The following AARSD1 variants were observed in gnomAD, a reference collection of about 807,000 sequenced individuals.
AARSD1 encodes the protein alanyl-tRNA editing protein Aarsd1.
Under a neutral mutation model 48.7 loss-of-function variants are expected in AARSD1, and 44 were observed. The ratio of observed to expected loss-of-function variants is 0.90; its 90% CI spans 0.71 to 1.16. The LOEUF is 1.16. Among genes scored for constraint, AARSD1 ranks in the 50% most tolerant of loss-of-function variants. The probability of loss-of-function intolerance (pLI) is 0.00; values close to 1 mark genes in which losing one functional copy is unlikely to be tolerated. For synonymous variants in AARSD1, 189 were observed against 194.9 expected (o/e 0.97, Z 0.25); for missense variants, 511 against 523.1 (o/e 0.98, Z 0.23).
intron 3 of AARSD1, among the ~76,000 whole-genome samples, chr17:42,959,249 T>C (rs1475757949): frequency 2.0e-5 from 3 of 151,248 alleles, no homozygotes; most frequent in Non-Finnish European, 4.4e-5. Flanking sequence ...GACGGAGTCT[T>C]GCTCTGTTGC....
At position 42,956,432 on chromosome 17, in the gene AARSD1, A is replaced by C; in HGVS notation, c.518T>G (p.Leu173Arg). The C allele has an allele frequency of 6.2e-7, 1 of 1,614,034 alleles. No individual in the cohort carries two copies. Among genetic ancestry groups the C allele is most frequent in the Non-Finnish European group, 8.5e-7 (1 of 1,180,018 alleles). Reference sequence around the variant, plus strand: ...CTCCACCTCAGGATCATCCAGGCTCAGTTCTCGGACATTCACAGGCAGCCG... The same window carrying C: ...CTCCACCTCAGGATCATCCAGGCTCCGTTCTCGGACATTCACAGGCAGCCG... Reference protein sequence around the residue: ...RDRLPVNVRELSLDDPEVEQV... With the variant: ...RDRLPVNVRERSLDDPEVEQV... Residue 173 changes from leucine to arginine, a missense_variant, in exon 5 of 12, where the codon CTG becomes CGG. Transcript: ENST00000427569.
intron 10 of AARSD1, 145 bp from the exon 11 acceptor site, chr17:42,952,039 C>T (rs2049486874): frequency 2.2e-6 from 2 of 917,342 alleles, no homozygotes; most frequent in Non-Finnish European, 3.2e-6. Context: ...GATACAGCCC[C>T]TCCACACTGG....
At chr17:42,954,483 G>A (rs1035268841) in intron 9 of AARSD1, among the ~76,000 whole-genome samples, 7 of 151,498 alleles carry the variant, frequency 4.6e-5, no homozygotes, top group African/African-American at 7.3e-5. Context: ...GGTCCAGGCC[G>A]GAGTGCTGTG....
At chr17:42,951,929 T>C (rs1269107945) in intron 10 of AARSD1, 35 bp from the exon 11 acceptor site, 4 of 1,608,498 alleles carry the variant, frequency 2.5e-6, no homozygotes, top group Non-Finnish European at 3.4e-6. Context: ...GCTCTGATAC[T>C]GAAGGATGTA....
chr17:42,953,864 G>C (rs549934434), intron 9 of AARSD1, 86 bp from the exon 10 acceptor site: 1 of 1,541,080 alleles, frequency 6.5e-7, no homozygotes, highest in African/African-American at 1.4e-5. Flanking sequence ...TCTGAGGCTG[G>C]CCTTGCTGCC....
Position 42,957,098 on chromosome 17 carries a change from G to C in AARSD1, c.389+40C>G, listed in dbSNP as rs774098769. On this transcript the variant is annotated intron_variant, in intron 4 of 11. Coordinates refer to ENST00000427569, the MANE Select transcript of AARSD1 (RefSeq NM_001261434.2). ...ACCTCCGCCTCCCTCCCAGTGCTGG[G>C]ATGGGCCTGCCTACAGTTAGTCTTA... 1.1e-5 allele frequency: 18 copies of C among 1,609,918 alleles called. No individual in the cohort carries two copies. In the East Asian group the frequency reaches 4.0e-4, roughly 36 times the overall value.
In AARSD1 at chr17:42,954,943, G is replaced by C. The variant is rs143831515; in HGVS notation, c.886C>G (p.Leu296Val). Reference sequence around the variant, plus strand: ...AGGCTATGGGCAATGTGCACAGCCAGGTCTCTGAGCAGATTCAGGTTATTC... The same window carrying C: ...AGGCTATGGGCAATGTGCACAGCCACGTCTCTGAGCAGATTCAGGTTATTC... ...QKNNLNLLRD[L>V]AVHIAHSLRN... is the part of the protein sequence containing the mutation. Residue 296 changes from leucine to valine, a missense_variant, in exon 9 of 12, where the codon CTG becomes GTG. Coordinates refer to ENST00000427569, the MANE Select transcript of AARSD1 (RefSeq NM_001261434.2). 43 of 1,614,100 alleles carry C rather than the reference G, an allele frequency of 2.7e-5. No individual in the cohort carries two copies. In the African/African-American group the frequency reaches 5.1e-4, roughly 19 times the overall value.
At chr17:42,964,078 G>A (rs768361202) in intron 2 of AARSD1, 28 bp downstream of exon 2, 3 of 1,613,412 alleles carry the variant, frequency 1.9e-6, no homozygotes, top group African/African-American at 1.3e-5. Context: ...GAAACTGGGG[G>A]CTTCCTGGGA....
Position 42,957,154 on chromosome 17 carries a change from G to A in AARSD1, c.373C>T (p.Leu125=), listed in dbSNP as rs1431131588. Residue 125 remains leucine, a synonymous_variant, in exon 4 of 12, where the codon CTG becomes TTG. Transcript: ENST00000427569. ...ITAVADHLFK[L]KTTSWELGRF... is the part of the protein sequence containing the mutation. ...CCCACTCACCATGATGTTGTCTTCA[G>A]CTTAAATAGATGGTCAGCAACTGCC... The A allele has an allele frequency of 6.2e-7, 1 of 1,613,568 alleles. No homozygotes were observed. Among genetic ancestry groups the A allele is most frequent in the East Asian group, 2.2e-5 (1 of 44,848 alleles).
intron 7 of AARSD1, 83 bp downstream of exon 7, chr17:42,955,759 T>C (rs1419774635): frequency 8.2e-6 from 13 of 1,586,814 alleles, no homozygotes; most frequent in Non-Finnish European, 1.1e-5. Context: ...TCATTTACGA[T>C]TGCATCTTAT....
chr17:42,957,381 T>C (rs2049572935), intron 3 of AARSD1, 186 bp from the exon 4 acceptor site: 2 of 575,376 alleles, frequency 3.5e-6, no homozygotes, highest in East Asian at 3.4e-5. Context: ...GGCCTTATGA[T>C]ACCATTTCAC....
At chr17:42,953,924 G>C (rs866963244) in intron 9 of AARSD1, 146 bp from the exon 10 acceptor site, 1 of 995,416 alleles carries the variant, frequency 1.0e-6, no homozygotes, top group Non-Finnish European at 1.5e-6. Flanking sequence ...AGTACTGGCT[G>C]AAAGCCAGCA....
At chr17:42,957,459 G>C in intron 3 of AARSD1, 1 of 260,606 alleles carries the variant, frequency 3.8e-6, no homozygotes, top group Non-Finnish European at 7.2e-6. Context: ...TAAGGGGCTG[G>C]ACTTGAACTT....
At chr17:42,956,019 A>G (rs933598098) in intron 6 of AARSD1, 47 bp from the exon 7 acceptor site, 8 of 1,613,158 alleles carry the variant, frequency 5.0e-6, no homozygotes, top group African/African-American at 1.3e-5. Context: ...GTGCACATGC[A>G]TAAACCACAG....
At position 42,956,422 on chromosome 17, in the gene AARSD1, A is replaced by T; in HGVS notation, c.528T>A (p.Asp176Glu). Residue 176 changes from aspartate (D) to glutamate (E), a missense_variant, in exon 5 of 12, where the codon GAT (aspartate) becomes GAA (glutamate). Transcript: ENST00000427569. ...LPVNVRELSL[D>E]DPEVEQVSGR... ...CCCTTACCTGCTCCACCTCAGGATC[A>T]TCCAGGCTCAGTTCTCGGACATTCA... The T allele has an allele frequency of 6.2e-7, 1 of 1,614,024 alleles. No homozygotes were observed. The highest frequency in any genetic ancestry group is 8.5e-7 in the Non-Finnish European group (1 of 1,180,016).
chr17:42,958,181 A>C (rs2049584045), intron 3 of AARSD1, among the ~76,000 whole-genome samples: 1 of 152,156 alleles, frequency 6.6e-6, no homozygotes, highest in African/African-American at 2.4e-5. Context: ...CTTTAAGCAG[A>C]GGAGTGACAT....
intron 11 of AARSD1, 22 bp downstream of exon 11, chr17:42,951,778 A>C (rs776193348): frequency 6.2e-7 from 1 of 1,613,002 alleles, no homozygotes; most frequent in Non-Finnish European, 8.5e-7. Context: ...CTACATGTGC[A>C]AGAGAGTCCA....
intron 10 of AARSD1, 55 bp downstream of exon 10, chr17:42,953,669 A>G (rs1188590383): frequency 1.2e-6 from 2 of 1,613,278 alleles, no homozygotes; most frequent in Non-Finnish European, 1.7e-6. Flanking sequence ...CCCCTCACTT[A>G]TGTCTCCCTA....
At chr17:42,960,969 A>G (rs1277988979) in intron 3 of AARSD1, 3 of 679,200 alleles carry the variant, frequency 4.4e-6, no homozygotes, top group Non-Finnish European at 6.7e-6. Context: ...TGGGAAGTTG[A>G]TAATACCTAA....
Sources: allele counts gnomAD v4.1 joint callset (sites outside exome capture counted in the v4.1 genomes callset), GRCh38; gene constraint gnomAD v4.1.1; transcripts MANE v1.5; gene names NCBI Gene and HGNC (gene_info 2026-07-23, HGNC 2026-07-21).